Variants in STARD8 observed in about 807,000 individuals in gnomAD.
STARD8 encodes StAR related lipid transfer domain containing 8.
STARD8 carries 25 observed loss-of-function variants against 69.4 expected under a neutral mutation model. The observed-to-expected ratio is 0.36, with a 90% CI of 0.26 to 0.50. The LOEUF is 0.50. STARD8 is among the 20% of genes least tolerant of loss of function. The pLI, the probability that STARD8 is intolerant of heterozygous loss-of-function variation, is 0.96. For synonymous variants in STARD8, 389 were observed against 374.6 expected (o/e 1.04, Z -0.45); for missense variants, 921 against 932.5 (o/e 0.99, Z 0.16).
At chrX:68,668,893 G>A (rs760851138) in intron 2 of STARD8, among the ~76,000 whole-genome samples, 13 of 111,782 alleles carry the variant, frequency 1.2e-4, no homozygotes, top group African/African-American at 4.2e-4. Flanking sequence ...TAGGTTTTGA[G>A]GCACTAGTTA....
At chrX:68,691,138 C>T (rs960330787) in intron 2 of STARD8, among the ~76,000 whole-genome samples, 3 of 111,896 alleles carry the variant, frequency 2.7e-5, no homozygotes, top group Non-Finnish European at 3.8e-5. Context: ...CACACACACA[C>T]GCACAAACAT....
rs1569374642 is a variant in STARD8, at chrX:68,721,757, G to T, written c.2459+11G>T. The T allele has an allele frequency of 8.3e-6, 10 of 1,201,427 alleles. No individual in the cohort carries two copies. The South Asian group carries it at 1.8e-4, about 22-fold the overall frequency. ...TAGCCCCTCTCCCAGGTGAAATGGT[G>T]CACGGCATGTCAGGGCCGGGCTGGG... is the stretch of plus-strand genomic sequence containing the variant. On this transcript the variant is annotated intron_variant, in intron 10 of 14. Coordinates refer to ENST00000374599, the MANE Select transcript of STARD8 (RefSeq NM_001142503.3).
chrX:68,711,222 GCACACA>G (rs60571538), intron 2 of STARD8, among the ~76,000 whole-genome samples: 70 of 101,842 alleles, frequency 6.9e-4, no homozygotes, highest in African/African-American at 2.3e-3. Flanking sequence ...ATGTATGCAT[GCACACA>G]CACACACACA....
At position 68,717,584 on chromosome X, in the gene STARD8, A is replaced by T. The variant is rs779647554; in HGVS notation, c.670A>T (p.Ser224Cys). 8.3e-7 allele frequency: 1 copy of T among 1,211,967 alleles called. No homozygotes were observed. Among genetic ancestry groups the T allele is most frequent in the Non-Finnish European group, 1.1e-6 (1 of 895,611 alleles). Reference protein sequence around the residue: ...ESLRRKEKSGSQQAEPKHSPA... With the variant: ...ESLRRKEKSGCQQAEPKHSPA... ...TCTGAGGCGGAAGGAAAAGAGTGGC[A>T]GCCAGCAAGCAGAGCCCAAGCATAG... is the stretch of plus-strand genomic sequence containing the variant. The change falls in exon 6 of 15, where the codon AGC becomes TGC. Residue 224 changes from serine to cysteine, a missense_variant. Physicochemically the swap from Ser to Cys is moderately radical, Grantham distance 112. Coordinates refer to ENST00000374599, the MANE Select transcript of STARD8 (RefSeq NM_001142503.3).
chrX:68,721,247 T>A, intron 9 of STARD8, 125 bp downstream of exon 9: 1 of 831,466 alleles, frequency 1.2e-6, no homozygotes, highest in Non-Finnish European at 1.7e-6. Flanking sequence ...TTGGAACAGT[T>A]ACTATCTGGA....
At chrX:68,714,252 C>G (rs768990733) in intron 3 of STARD8, among the ~76,000 whole-genome samples, 1 of 112,460 alleles carries the variant, frequency 8.9e-6, no homozygotes, top group Non-Finnish European at 1.9e-5. Flanking sequence ...CACACAGACA[C>G]TCTGCTCTGG....
chrX:68,665,825 T>C (rs1320933424), intron 2 of STARD8, among the ~76,000 whole-genome samples: 1 of 112,034 alleles, frequency 8.9e-6, no homozygotes, highest in East Asian at 2.8e-4. Flanking sequence ...ACCCATATAC[T>C]TCCCTTGTTC....
In STARD8 at chrX:68,719,339, G is replaced by A. The variant is rs2080126987; in HGVS notation, c.1830G>A (p.Leu610=). Reference sequence around the variant, plus strand: ...TCAACCTCCTGCACAAGGGCTCACTGCTGCGGCTTACCGCGTTCATGGAGA... The same window carrying A: ...TCAACCTCCTGCACAAGGGCTCACTACTGCGGCTTACCGCGTTCATGGAGA... ...GQINLLHKGS[L]LRLTAFMEKY... Residue 610 remains leucine, a synonymous_variant, in exon 7 of 15, where the codon CTG becomes CTA. Transcript: ENST00000374599. The A allele has an allele frequency of 8.3e-7, 1 of 1,205,465 alleles. No homozygotes were observed. The highest frequency in any genetic ancestry group is 1.7e-5 in the African/African-American group (1 of 57,253).
At chrX:68,711,222 G>GCACACACACACACACA (rs60571538) in intron 2 of STARD8, among the ~76,000 whole-genome samples, 1 of 101,826 alleles carries the variant, frequency 9.8e-6, no homozygotes, top group African/African-American at 3.6e-5. Context: ...ATGTATGCAT[G>GCACACACACACACACA]CACACACACA....
intron 1 of STARD8, chrX:68,656,648 C>T (rs189780855): frequency 1.3e-4 from 15 of 112,105 alleles, no homozygotes; most frequent in Non-Finnish European, 2.3e-4. Flanking sequence ...CAATGTGGCA[C>T]CTATACACAC....
In STARD8 at chrX:68,703,420, A is replaced by C. The variant is rs780083484; in HGVS notation, c.80-9494A>C. Among the ~76,000 whole-genome samples the C allele has an allele frequency of 1.4e-4, 16 of 112,549 alleles. 1 individual carries two copies. In the South Asian group the frequency reaches 5.9e-3, roughly 41 times the overall value. The stretch of plus-strand genomic sequence containing the variant: ...GGGTTCTCCTTCCCTTGGCCCTACC[A>C]TGGCCTGAGCATGCACGTCATCACC... On this transcript the variant is annotated intron_variant, in intron 2 of 14. Coordinates refer to ENST00000374599, the MANE Select transcript of STARD8 (RefSeq NM_001142503.3).
chrX:68,690,431 C>CGGGGG (rs756097076), intron 2 of STARD8, among the ~76,000 whole-genome samples: 4 of 99,546 alleles, frequency 4.0e-5, no homozygotes, highest in African/African-American at 1.3e-4. Context: ...CCCAGGCAGG[C>CGGGGG]AGGGCGGGGG....
Position 68,647,937 on chromosome X carries a change from T to C in STARD8, c.45+10T>C, listed in dbSNP as rs184707779. 14 of 1,195,959 alleles carry C rather than the reference T, an allele frequency of 1.2e-5. No individual in the cohort carries two copies. In the African/African-American group the frequency reaches 2.4e-4, roughly 21 times the overall value. ...CTTCAGGAAGGTGAAGGTAAGTGACTGGCCAGCCCCAGCCCATCCCGCTGC... is the reference window on the plus strand; with the variant it reads ...CTTCAGGAAGGTGAAGGTAAGTGACCGGCCAGCCCCAGCCCATCCCGCTGC... On this transcript the variant is annotated intron_variant, in intron 1 of 14. Transcript: ENST00000374599.
At chrX:68,693,567 C>A in intron 2 of STARD8, 1 of 699,991 alleles carries the variant, frequency 1.4e-6, no homozygotes. Flanking sequence ...GGCCAGACTG[C>A]GCCCCCATTG....
In STARD8 at chrX:68,724,484, G is replaced by T; in HGVS notation, c.*62G>T. On this transcript the variant is annotated 3_prime_UTR_variant, in exon 15 of 15. Coordinates refer to ENST00000374599, the MANE Select transcript of STARD8 (RefSeq NM_001142503.3). ...CCCTGGGCACCAAGGGAGCGAGGGG[G>T]AATAAGAGCAGGGCAGCCCCCTGGG... 9.7e-7 allele frequency: 1 copy of T among 1,026,603 alleles called. No individual in the cohort carries two copies. The highest frequency in any genetic ancestry group is 1.3e-6 in the Non-Finnish European group (1 of 744,121). The allele number at this position is 1,026,603 out of a possible 1,213,427, so 84.6% of individuals were successfully genotyped here.
intron 1 of STARD8, among the ~76,000 whole-genome samples, chrX:68,652,419 T>C (rs1256189439): frequency 1.8e-5 from 2 of 111,199 alleles, no homozygotes; most frequent in African/African-American, 6.6e-5. Flanking sequence ...AAGCCAGGGA[T>C]GGTGGGAAGG....
At chrX:68,706,116 A>C (rs891358719) in intron 2 of STARD8, among the ~76,000 whole-genome samples, 18 of 111,885 alleles carry the variant, frequency 1.6e-4, no homozygotes, top group Middle Eastern at 9.3e-3. Flanking sequence ...ATCCAGCTGT[A>C]GCCCCGGCCA....
intron 2 of STARD8, among the ~76,000 whole-genome samples, chrX:68,666,397 TG>T (rs2079683592): frequency 1.8e-5 from 2 of 112,021 alleles, no homozygotes; most frequent in Admixed American, 1.9e-4. Flanking sequence ...CAGTTAGGAT[TG>T]GGGTTGCCAA....
intron 10 of STARD8, 25 bp from the exon 11 acceptor site, chrX:68,722,022 T>G (rs756837597): frequency 8.6e-7 from 1 of 1,156,248 alleles, no homozygotes; most frequent in South Asian, 1.9e-5. Context: ...CCATCTCTCC[T>G]CTCACCACCT....
Sources: allele counts gnomAD v4.1 joint callset (sites outside exome capture counted in the v4.1 genomes callset), GRCh38; gene constraint gnomAD v4.1.1; transcripts MANE v1.5; gene names NCBI Gene and HGNC (gene_info 2026-07-23, HGNC 2026-07-21).